CD1A: variants seen among roughly 807,000 people sequenced by gnomAD.
The protein encoded by CD1A is CD1a molecule.
CD1A carries 50 observed loss-of-function variants against 38.3 expected under a neutral mutation model. The ratio of observed to expected loss-of-function variants is 1.30; its 90% CI spans 1.04 to 1.65. The LOEUF is 1.65. Ranked by LOEUF, CD1A falls within the 40% of genes most tolerant of loss-of-function variation. The pLI is 0.00. For missense variants in CD1A, 459 were observed against 406.1 expected (o/e 1.13, Z -1.12); for synonymous variants, 160 against 150.8 (o/e 1.06, Z -0.45).
chr1:158,254,051 T>C (rs1650158193), upstream of CD1A: 1 of 115,936 alleles, frequency 8.6e-6, no homozygotes, highest in East Asian at 2.2e-4. Flanking sequence ...TTTTTTTTTT[T>C]TTTTTTTTTT....
chr1:158,256,233 T>G lies in CD1A; in HGVS notation c.555T>G (p.Arg185=), dbSNP rs1222553158. The G allele has an allele frequency of 6.2e-7, 1 of 1,614,094 alleles. No homozygotes were observed. The highest frequency in any genetic ancestry group is 8.5e-7 in the Non-Finnish European group (1 of 1,180,006). The change falls in exon 3 of 6, where the codon CGT becomes CGG. Residue 185 remains arginine, a synonymous_variant. Transcript: ENST00000289429. ...THNLLSDTCP[R]FILGLLDAGK... ...ATCTTCTCAGTGACACCTGCCCACGTTTCATCTTGGGTCTTCTTGATGCAG... is the reference window on the plus strand; with the variant it reads ...ATCTTCTCAGTGACACCTGCCCACGGTTCATCTTGGGTCTTCTTGATGCAG...
At chr1:158,254,217 CA>C (rs1558065496), upstream of CD1A, 4 of 1,015,296 alleles carry the variant, frequency 3.9e-6, no homozygotes. Flanking sequence ...GCTGAAGAGA[CA>C]GGGGAAGAGA....
intron 1 of CD1A, 105 bp downstream of exon 1, chr1:158,254,832 T>A (rs1048996413): frequency 1.4e-6 from 1 of 732,982 alleles, no homozygotes; most frequent in African/African-American, 2.1e-5. Context: ...TGTGTGTGTG[T>A]GGTTTCCCTA....
upstream of CD1A, among the ~76,000 whole-genome samples, chr1:158,251,137 G>T (rs1014366196): frequency 6.6e-6 from 1 of 152,084 alleles, no homozygotes; most frequent in Non-Finnish European, 1.5e-5. Context: ...CAAGAGAAAA[G>T]AAAATATTTT....
At chr1:158,249,196 C>A in the CD1A span, among the ~76,000 whole-genome samples, 1 of 152,206 alleles carries the variant, frequency 6.6e-6, no homozygotes, top group Non-Finnish European at 1.5e-5. Flanking sequence ...GTGTAGGCCA[C>A]ATAATTTGTG....
At chr1:158,256,350 A>C (rs1650257761) in intron 3 of CD1A, 68 bp downstream of exon 3, 20 of 1,466,968 alleles carry the variant, frequency 1.4e-5, no homozygotes, top group Non-Finnish European at 1.8e-5. Flanking sequence ...ACCTCCTTCC[A>C]ATTTAGAATA....
chr1:158,255,943 T>C, intron 2 of CD1A, 61 bp from the exon 3 acceptor site: 3 of 1,493,118 alleles, frequency 2.0e-6, no homozygotes, highest in Non-Finnish European at 2.7e-6. Flanking sequence ...CTATAATCTT[T>C]GCTTCTACTC....
chr1:158,251,675 A>T (rs1267730157), upstream of CD1A, among the ~76,000 whole-genome samples: 1 of 151,902 alleles, frequency 6.6e-6, no homozygotes, highest in Non-Finnish European at 1.5e-5. Flanking sequence ...TTGTTTTTGA[A>T]TTTTTTGAAG....
rs537910502 is a variant in CD1A, at chr1:158,257,144, A to G, written c.883+80A>G. The G allele has an allele frequency of 4.6e-4, 689 of 1,502,352 alleles. 1 individual carries two copies. Among genetic ancestry groups the G allele is most frequent in the Non-Finnish European group, 5.8e-4 (650 of 1,121,468 alleles). 93.1% of individuals were successfully genotyped at this position (1,502,352 alleles called of 1,614,324 possible). On this transcript the variant is annotated intron_variant, in intron 4 of 5. Coordinates refer to ENST00000289429, the MANE Select transcript of CD1A (RefSeq NM_001763.3). The stretch of plus-strand genomic sequence containing the variant: ...AGAGGGAGGGCAAGCTGAAAATTTT[A>G]GGATTTTAGGGATTATAGCCCAAAC...
At chr1:158,253,869 C>T (rs1235852263), upstream of CD1A, among the ~76,000 whole-genome samples, 2 of 151,966 alleles carry the variant, frequency 1.3e-5, no homozygotes, top group South Asian at 4.1e-4. Context: ...AGAGAAAAAG[C>T]TCCTTCAGTA....
chr1:158,252,770 T>C (rs1019893296), upstream of CD1A, among the ~76,000 whole-genome samples: 2 of 152,056 alleles, frequency 1.3e-5, no homozygotes, highest in African/African-American at 4.8e-5. Context: ...TGGTGGTGCA[T>C]ACCTGTAATC....
rs1322023871 is a variant in CD1A, at chr1:158,254,514, T to G, written c.-156T>G. The G allele has an allele frequency of 6.1e-6, 9 of 1,469,352 alleles. No individual in the cohort carries two copies. In the East Asian group the frequency reaches 2.0e-4, roughly 33 times the overall value. 91.0% of individuals were successfully genotyped at this position (1,469,352 alleles called of 1,614,324 possible). A position where few individuals can be genotyped will look rare whatever the true frequency, so the allele number is the denominator to read the frequency against. ...GAGAGACTGAGTAGGCATCTCAGGG[T>G]TTTTGAAGGAGTGGATTTTCTTTGT... On this transcript the variant is annotated 5_prime_UTR_variant, in exon 1 of 6. Coordinates refer to ENST00000289429, the MANE Select transcript of CD1A (RefSeq NM_001763.3).
At chr1:158,254,151 G>T, upstream of CD1A, 1 of 983,476 alleles carries the variant, frequency 1.0e-6, no homozygotes, top group Non-Finnish European at 1.2e-6. Context: ...AGTCGTAGGA[G>T]ACTCTGAAAA....
In CD1A at chr1:158,257,858, T is replaced by C; in HGVS notation, c.*168T>C. 10 of 638,354 alleles carry C rather than the reference T, an allele frequency of 1.6e-5. No individual in the cohort carries two copies. Among genetic ancestry groups the C allele is most frequent in the Non-Finnish European group, 2.5e-5 (9 of 359,668 alleles). The allele number at this position is 638,354 out of a possible 1,614,324, so 39.5% of individuals were successfully genotyped here. A position where few individuals can be genotyped will look rare whatever the true frequency, so the allele number is the denominator to read the frequency against. ...TCTGATTAATGATTGTTTGTCAATA[T>C]AAGCTCAATTTAATTTTGCAGGATT... is the stretch of plus-strand genomic sequence containing the variant. On this transcript the variant is annotated 3_prime_UTR_variant, in exon 6 of 6. Transcript: ENST00000289429.
At chr1:158,248,438 C>T in the CD1A span, 2 of 984,610 alleles carry the variant, frequency 2.0e-6, no homozygotes, top group East Asian at 1.1e-4. Context: ...TGAACAGGAA[C>T]ATGCTTTTGG....
upstream of CD1A, chr1:158,254,351 C>T: frequency 1.7e-6 from 2 of 1,197,534 alleles, no homozygotes; most frequent in South Asian, 3.6e-5. Flanking sequence ...AAAAAAATGT[C>T]CTTAGTGGTT....
chr1:158,250,502 G>T (rs1334548647), upstream of CD1A, among the ~76,000 whole-genome samples: 2 of 152,162 alleles, frequency 1.3e-5, no homozygotes, highest in Non-Finnish European at 2.9e-5. Flanking sequence ...TTTGGGGGAT[G>T]ATCCTGACTT....
chr1:158,257,507 C>T lies in CD1A; in HGVS notation c.970C>T (p.Arg324Cys), dbSNP rs145627915. The change falls in exon 5 of 6, where the codon CGC (arginine) becomes TGC (cysteine). Residue 324 changes from arginine to cysteine, a missense_variant. Transcript: ENST00000289429. ...LIGLALWFRK[R>C]CFC ...AGGTCTTGCGCTTTGGTTCAGGAAACGCTGGTGAGTTCTTTGCATGTGTCT... is the reference window on the plus strand; with the variant it reads ...AGGTCTTGCGCTTTGGTTCAGGAAATGCTGGTGAGTTCTTTGCATGTGTCT... The T allele has an allele frequency of 5.2e-4, 837 of 1,612,914 alleles. 2 individuals carry two copies. Among genetic ancestry groups the T allele is most frequent in the East Asian group, 2.1e-3 (92 of 44,864 alleles).
In CD1A at chr1:158,256,799, C is replaced by G; in HGVS notation, c.618C>G (p.Ala206=). Residue 206 remains alanine, a synonymous_variant, in exon 4 of 6, where the codon GCC becomes GCG. Transcript: ENST00000289429. ...TGTCCTTTGCAGTGAAGCCCGAGGC[C>G]TGGCTGTCCCATGGCCCCAGTCCTG... is the stretch of plus-strand genomic sequence containing the variant. ...AHLQRQVKPE[A]WLSHGPSPGP... is the part of the protein sequence containing the mutation. 6.2e-7 allele frequency: 1 copy of G among 1,614,046 alleles called. No individual in the cohort carries two copies.
Sources: gnomAD v4.1 joint callset for allele counts (sites outside exome capture counted in the v4.1 genomes callset) on GRCh38, gnomAD v4.1.1 for gene constraint, MANE v1.5 for transcripts, NCBI Gene and HGNC (gene_info 2026-07-23, HGNC 2026-07-21) for gene names.